The following SPG11 variants were observed in gnomAD, a reference collection of about 807,000 sequenced individuals.
SPG11 encodes the protein SPG11 vesicle trafficking associated, spatacsin, also known as spatacsin.
In SPG11, 222 loss-of-function variants were observed where a neutral mutation model predicts 274.0. That is an observed-to-expected ratio of 0.81 (90% CI 0.73 to 0.91). SPG11 has a LOEUF of 0.91. SPG11 is among the 40% of genes least tolerant of loss of function. The pLI is 0.00. For missense variants in SPG11, 3,114 were observed against 2,872.7 expected (o/e 1.08, Z -1.92); for synonymous variants, 1,144 against 1,039.7 (o/e 1.10, Z -1.93).
intron 16 of SPG11, among the ~76,000 whole-genome samples, chr15:44,615,083 C>T (rs1021205349): frequency 1.3e-5 from 2 of 152,184 alleles, no homozygotes; most frequent in Non-Finnish European, 2.9e-5. Context: ...TCCTCTCAAA[C>T]CTTTTAAAGC....
chr15:44,608,379 G>T, intron 19 of SPG11, 65 bp downstream of exon 19: 1 of 1,531,602 alleles, frequency 6.5e-7, no homozygotes, highest in South Asian at 1.1e-5. Flanking sequence ...GAAAGATCTA[G>T]AGTGATTTCT....
Position 44,660,440 on chromosome 15 carries a change from T to C in SPG11, c.434A>G (p.Gln145Arg), listed in dbSNP as rs780634621. The change falls in exon 2 of 40, where the codon CAA becomes CGA. Residue 145 changes from glutamine to arginine, a missense_variant. Physicochemically the swap from Gln to Arg is conservative, Grantham distance 43. Coordinates refer to ENST00000261866, the MANE Select transcript of SPG11 (RefSeq NM_025137.4). The part of the protein sequence containing the change: ...REALQKLIDD[Q>R]DISISLLSLR... ...CACCTGTAGATACTTACTGATATCT[T>C]GATCGTCAATGAGCTTTTGCAATGC... 6.2e-7 allele frequency: 1 copy of C among 1,613,630 alleles called. No homozygotes were observed. Among genetic ancestry groups the C allele is most frequent in the Non-Finnish European group, 8.5e-7 (1 of 1,179,776 alleles).
At chr15:44,628,563 C>T in intron 10 of SPG11, 106 bp downstream of exon 10, 1 of 1,099,782 alleles carries the variant, frequency 9.1e-7, no homozygotes, top group Non-Finnish European at 1.4e-6. Flanking sequence ...CTTTGCCAAA[C>T]ATTCTGAATC....
rs770722777 is a variant in SPG11, at chr15:44,657,153, C to T, written c.811G>A (p.Ala271Thr). Residue 271 changes from alanine (A) to threonine (T), a missense_variant, in exon 4 of 40, where the codon GCA becomes ACA. Transcript: ENST00000261866. ...SLKVSQDLDV[A>T]VIVSSSNSAV... is the part of the protein sequence containing the mutation. ...GAGTTGGAGGAGCTGACAATCACTG[C>T]AACATCGAGGTCTTGAGAAACTTTC... 1.2e-6 allele frequency: 2 copies of T among 1,614,052 alleles called. No homozygotes were observed. Among genetic ancestry groups the T allele is most frequent in the African/African-American group, 2.7e-5 (2 of 74,908 alleles).
At chr15:44,618,855 A>G (rs911092811) in intron 15 of SPG11, among the ~76,000 whole-genome samples, 4 of 152,056 alleles carry the variant, frequency 2.6e-5, no homozygotes, top group Non-Finnish European at 5.9e-5. Flanking sequence ...GTTTGCATCT[A>G]TGCTTAGTTT....
intron 30 of SPG11, among the ~76,000 whole-genome samples, chr15:44,581,469 A>T (rs1480678167): frequency 6.6e-6 from 1 of 152,056 alleles, no homozygotes; most frequent in Non-Finnish European, 1.5e-5. Flanking sequence ...AGCCTCCCAA[A>T]GTGCTGGAAT....
intron 18 of SPG11, among the ~76,000 whole-genome samples, chr15:44,609,895 ATTTTTTTTTTTTT>A (rs771457335): frequency 3.8e-5 from 4 of 106,116 alleles, no homozygotes; most frequent in Non-Finnish European, 5.6e-5. Flanking sequence ...TGCCCAGCTA[ATTTTTTTTTTTTT>A]TTTTTTTTTT....
chr15:44,611,071 ATTTTTAACTCTATCCCCAGT>A, intron 17 of SPG11, 86 bp from the exon 18 acceptor site: 1 of 1,028,084 alleles, frequency 9.7e-7, no homozygotes. Context: ...AATAACATAA[ATTTTTAACTCTATCCCCAGT>A]AAAAAAAAAA....
chr15:44,568,750 C>G (rs1003613898), intron 35 of SPG11, among the ~76,000 whole-genome samples: 5 of 152,198 alleles, frequency 3.3e-5, no homozygotes, highest in Admixed American at 6.5e-5. Flanking sequence ...AGCCCTCAAA[C>G]AACCTCAGAG....
At position 44,622,272 on chromosome 15, in the gene SPG11, T is replaced by C; in HGVS notation, c.2392A>G (p.Lys798Glu). Residue 798 changes from lysine to glutamate, a missense_variant, in exon 13 of 40, where the codon AAG becomes GAG. Lys to Glu is a moderately conservative substitution (Grantham distance 56, BLOSUM62 1). Coordinates refer to ENST00000261866, the MANE Select transcript of SPG11 (RefSeq NM_025137.4). ...TCTTGGAAATGTCCCAAATAAAGCT[T>C]CTCAACTTGATGCACGAAGTCTATA... ...RTIDFVHQVE[K>E]LYLGHFQENM... 2 of 1,610,026 alleles carry C rather than the reference T, an allele frequency of 1.2e-6. No individual in the cohort carries two copies. Among genetic ancestry groups the C allele is most frequent in the Non-Finnish European group, 1.7e-6 (2 of 1,176,550 alleles).
intron 32 of SPG11, 62 bp downstream of exon 32, chr15:44,573,485 C>T (rs757826504): frequency 3.2e-6 from 5 of 1,574,910 alleles, no homozygotes; most frequent in Non-Finnish European, 4.4e-6. Context: ...CATCCAAATC[C>T]TTAACACTGG....
At chr15:44,568,132 A>C (rs1030429869) in intron 35 of SPG11, among the ~76,000 whole-genome samples, 13 of 152,216 alleles carry the variant, frequency 8.5e-5, no homozygotes, top group Non-Finnish European at 1.5e-5. Flanking sequence ...GTACATGTGC[A>C]AAGAAGGCCT....
chr15:44,594,174 C>T (rs1179998684), intron 26 of SPG11, among the ~76,000 whole-genome samples: 1 of 151,576 alleles, frequency 6.6e-6, no homozygotes, highest in African/African-American at 2.4e-5. Context: ...GCCTGTAAAT[C>T]CCAGCGCTTT....
At chr15:44,598,590 A>G (rs2083103512) in intron 22 of SPG11, 41 bp downstream of exon 22, 3 of 1,586,546 alleles carry the variant, frequency 1.9e-6, no homozygotes, top group Non-Finnish European at 2.6e-6. Context: ...ACCTCGTCAC[A>G]CCTTCTCTAA....
At chr15:44,567,288 T>C (rs1257242237) in intron 36 of SPG11, 136 bp downstream of exon 36, 2 of 877,378 alleles carry the variant, frequency 2.3e-6, no homozygotes, top group East Asian at 2.9e-5. Flanking sequence ...GAGGCGGAGG[T>C]TGCAGGGAGC....
Position 44,584,308 on chromosome 15 carries a change from A to T in SPG11, c.5372T>A (p.Leu1791Ter). 2 of 1,612,212 alleles carry T rather than the reference A, an allele frequency of 1.2e-6. No individual in the cohort carries two copies. The highest frequency in any genetic ancestry group is 1.7e-6 in the Non-Finnish European group (2 of 1,178,718). ...CTTCTCCAGCTCCTCCAGCTTATCC[A>T]AGGGCACCACGTCCTCCTGGGCAAG... Reference protein sequence around the residue: ...HWLAQEDVVPLDKLEELEKQI... With the variant: ...HWLAQEDVVP The change falls in exon 30 of 40, where the codon TTG (leucine) becomes TAG (stop). Residue 1791 changes from leucine to a stop codon, truncating the protein, a stop_gained. Transcript: ENST00000261866. LOFTEE classifies it high-confidence loss of function.
intron 7 of SPG11, among the ~76,000 whole-genome samples, chr15:44,633,902 G>C (rs1230087906): frequency 6.6e-6 from 1 of 151,706 alleles, no homozygotes; most frequent in East Asian, 1.9e-4. Flanking sequence ...GCAATGGCAT[G>C]ATCTTAGCTC....
At position 44,651,865 on chromosome 15, in the gene SPG11, G is replaced by T. The variant is rs772616715; in HGVS notation, c.1082C>A (p.Pro361Gln). 1.2e-6 allele frequency: 2 copies of T among 1,613,658 alleles called. No homozygotes were observed. The highest frequency in any genetic ancestry group is 1.7e-6 in the Non-Finnish European group (2 of 1,179,756). Residue 361 changes from proline to glutamine, a missense_variant, in exon 6 of 40, where the codon CCA (proline) becomes CAA (glutamine). By Grantham distance (76) the Pro-to-Gln change is moderately conservative. Transcript: ENST00000261866. ...NSKLEVSCCA[P>Q]WFQDILHLES... ...CAAATGCAAAATATCCTGGAACCAT[G>T]GAGCACAACAGGAAACCTCCAGTTT...
intron 20 of SPG11, among the ~76,000 whole-genome samples, chr15:44,602,601 C>T (rs2083223429): frequency 6.6e-6 from 1 of 151,960 alleles, no homozygotes; most frequent in Non-Finnish European, 1.5e-5. Flanking sequence ...GCCTCAGCCT[C>T]CCAAGTAGGT....
Sources: allele counts gnomAD v4.1 joint callset (sites outside exome capture counted in the v4.1 genomes callset), GRCh38; gene constraint gnomAD v4.1.1; transcripts MANE v1.5; gene names NCBI Gene and HGNC (gene_info 2026-07-23, HGNC 2026-07-21).